Variants in RPAP1 observed in about 807,000 individuals in gnomAD.
RPAP1 encodes the protein RNA polymerase II associated protein 1.
RPAP1 carries 109 observed loss-of-function variants against 142.4 expected under a neutral mutation model. The ratio of observed to expected loss-of-function variants is 0.77; its 90% CI spans 0.66 to 0.90. The LOEUF is 0.90. Ranked by LOEUF, RPAP1 falls within the 40% of genes least tolerant of loss-of-function variation. The pLI is 0.00. For missense variants in RPAP1, 1,546 were observed against 1,751.7 expected, an observed-to-expected ratio of 0.88 and a Z score of 2.10; for synonymous variants, 704 against 738.9, an observed-to-expected ratio of 0.95 and a Z score of 0.77.
Position 41,521,071 on chromosome 15 carries a change from A to C in RPAP1, c.3115T>G (p.Cys1039Gly). ...LSLGSSRVPRCGQGTLLAQAC... is the reference protein window; with the variant it reads ...LSLGSSRVPRGGQGTLLAQAC... ...TGAGCCAGCAGAGTCCCTTGCCCACACCGAGGGACCCTGCTGCTTCCTAAC... is the reference window on the plus strand; with the variant it reads ...TGAGCCAGCAGAGTCCCTTGCCCACCCCGAGGGACCCTGCTGCTTCCTAAC... The change falls in exon 22 of 25, where the codon TGT (cysteine) becomes GGT (glycine). Residue 1039 changes from cysteine to glycine, a missense_variant. Physicochemically the swap from Cys to Gly is radical, Grantham distance 159. Around this residue, in one of 3 missense-constraint regions of RPAP1, gnomAD observed 1,333 missense variants for 1,486.6 expected, o/e 0.90. Coordinates refer to ENST00000304330, the MANE Select transcript of RPAP1 (RefSeq NM_015540.4). 3 of 1,547,002 alleles carry C rather than the reference A, an allele frequency of 1.9e-6. No individual in the cohort carries two copies. The highest frequency in any genetic ancestry group is 2.6e-6 in the Non-Finnish European group (3 of 1,148,284).
intron 1 of RPAP1, among the ~76,000 whole-genome samples, chr15:41,543,483 G>A (rs896003837): frequency 6.6e-6 from 1 of 152,092 alleles, no homozygotes; most frequent in African/African-American, 2.4e-5. Flanking sequence ...AAAGTGCTGG[G>A]ATTACAGGCG....
At chr15:41,518,791 C>A (rs942905391) in intron 22 of RPAP1, among the ~76,000 whole-genome samples, 19 of 152,032 alleles carry the variant, frequency 1.2e-4, no homozygotes, top group African/African-American at 3.4e-4. Context: ...TGCAGTGAAC[C>A]AAGATCATCA....
At chr15:41,534,010 T>C (rs375554116) in intron 6 of RPAP1, among the ~76,000 whole-genome samples, 38 of 151,186 alleles carry the variant, frequency 2.5e-4, no homozygotes, top group Non-Finnish European at 3.1e-4. Flanking sequence ...TAATCCCAGA[T>C]ACTCAGGAGG....
Position 41,521,795 on chromosome 15 carries a change from C to T in RPAP1, c.2981G>A (p.Ser994Asn), listed in dbSNP as rs1388749650. The change falls in exon 21 of 25, where the codon AGT becomes AAT. Residue 994 changes from serine to asparagine, a missense_variant. By Grantham distance (46) the Ser-to-Asn change is conservative. This residue lies in a region of RPAP1 where 1,333 missense variants were observed against 1,486.6 expected (regional missense o/e 0.90). Transcript: ENST00000304330. ...LALLSRLLPGSEYLTHELLLS... is the reference protein window; with the variant it reads ...LALLSRLLPGNEYLTHELLLS... Reference sequence around the variant, plus strand: ...CAGCAGCTCATGGGTGAGGTACTCACTTCCGGGCAGCAGCCGGCTCAGCAG... The same window carrying T: ...CAGCAGCTCATGGGTGAGGTACTCATTTCCGGGCAGCAGCCGGCTCAGCAG... 5 of 1,614,216 alleles carry T rather than the reference C, an allele frequency of 3.1e-6. No individual in the cohort carries two copies. The South Asian group carries it at 3.3e-5, about 11-fold the overall frequency.
In RPAP1 at chr15:41,520,983, G is replaced by C; in HGVS notation, c.3203C>G (p.Ala1068Gly). The change falls in exon 22 of 25, where the codon GCC (alanine) becomes GGC (glycine). Residue 1068 changes from alanine (A) to glycine (G), a missense_variant. Transcript: ENST00000304330. ...CAGAGCCTGGGAGGCCAGCAGACTG[G>C]CTCGGGCTGGCGAGCAATGAGTCAG... Reference protein sequence around the residue: ...CYLTHCSPARASLLASQALHR... With the variant: ...CYLTHCSPARGSLLASQALHR... The C allele has an allele frequency of 6.2e-7, 1 of 1,607,716 alleles. No homozygotes were observed. Among genetic ancestry groups the C allele is most frequent in the Non-Finnish European group, 8.5e-7 (1 of 1,176,814 alleles).
intron 15 of RPAP1, 24 bp from the exon 16 acceptor site, chr15:41,524,278 T>C: frequency 6.6e-7 from 1 of 1,507,814 alleles, no homozygotes; most frequent in Non-Finnish European, 8.9e-7. Flanking sequence ...GGGACTGATT[T>C]TCACTGTATG....
rs565863154 is a variant in RPAP1, at chr15:41,542,060, C to T, written c.-77+2159G>A. The stretch of plus-strand genomic sequence containing the variant: ...TTTTGAGAGTTTACTCTGGGCTGAG[C>T]GGTGTACAAGGGGCTGTAAATATAA... On this transcript the variant is annotated intron_variant, in intron 1 of 24. Transcript: ENST00000304330. Among the ~76,000 whole-genome samples the T allele has an allele frequency of 4.6e-5, 7 of 152,188 alleles. No individual in the cohort carries two copies. In the South Asian group the frequency reaches 6.2e-4, roughly 14 times the overall value.
Position 41,536,208 on chromosome 15 carries a change from G to A in RPAP1, c.341C>T (p.Thr114Ile). Residue 114 changes from threonine to isoleucine, a missense_variant, in exon 4 of 25, where the codon ACA (threonine) becomes ATA (isoleucine). Coordinates refer to ENST00000304330, the MANE Select transcript of RPAP1 (RefSeq NM_015540.4). ...AVLTKIIERDTSSVAVNLPVP... is the reference protein window; with the variant it reads ...AVLTKIIERDISSVAVNLPVP... ...AGGCAGATTCACGGCCACTGAACTT[G>A]TATCTCGTTCCTGTAGCAACAAAGC... 1 of 1,614,048 alleles carries A rather than the reference G, an allele frequency of 6.2e-7. No individual in the cohort carries two copies. Among genetic ancestry groups the A allele is most frequent in the Non-Finnish European group, 8.5e-7 (1 of 1,179,970 alleles).
chr15:41,532,201 T>C (rs1027072824), intron 6 of RPAP1, among the ~76,000 whole-genome samples: 7 of 152,036 alleles, frequency 4.6e-5, no homozygotes, highest in Non-Finnish European at 1.0e-4. Context: ...TTTGTATTTT[T>C]AGTAGAGACA....
intron 15 of RPAP1, among the ~76,000 whole-genome samples, chr15:41,524,606 G>A (rs1038111224): frequency 2.0e-4 from 31 of 151,868 alleles, no homozygotes; most frequent in Middle Eastern, 3.4e-3. Context: ...CTGCCGAGTA[G>A]TTGGGATTAC....
In RPAP1 at chr15:41,520,358, AC is replaced by A. The variant is rs200705558; in HGVS notation, c.3795+32del. The A allele has an allele frequency of 9.5e-4, 1,533 of 1,611,634 alleles. 12 individuals are homozygous for A. In the African/African-American group the frequency reaches 0.019, roughly 20 times the overall value. On this transcript the variant is annotated intron_variant, in intron 22 of 24. Transcript: ENST00000304330. The stretch of plus-strand genomic sequence containing the variant: ...CTGCCCCCGAGGCCCAGTGCAGGGT[AC>A]CCTTGCAGGTCCTGCTGGGCTGAGA...
At chr15:41,531,305 C>G (rs2051845129) in intron 6 of RPAP1, 103 bp from the exon 7 acceptor site, 2 of 1,186,144 alleles carry the variant, frequency 1.7e-6, no homozygotes, top group East Asian at 4.8e-5. Context: ...GTGCCAAGGA[C>G]AGGACAAGCT....
At chr15:41,534,583 CAAAAAAA>C (rs764568682) in intron 6 of RPAP1, 124 bp downstream of exon 6, 29 of 179,494 alleles carry the variant, frequency 1.6e-4, no homozygotes, top group Non-Finnish European at 1.7e-4. Context: ...AAGACCATCT[CAAAAAAA>C]AAAAAAAAAA....
chr15:41,532,225 T>C (rs754102887), intron 6 of RPAP1, among the ~76,000 whole-genome samples: 1 of 152,108 alleles, frequency 6.6e-6, no homozygotes, highest in Non-Finnish European at 1.5e-5. Context: ...TTTCACCGTG[T>C]TGGCCAGGAT....
intron 6 of RPAP1, among the ~76,000 whole-genome samples, chr15:41,534,326 G>A (rs2051885677): frequency 6.6e-6 from 1 of 151,716 alleles, no homozygotes; most frequent in South Asian, 2.1e-4. Context: ...ACTGAGGTAG[G>A]AGAATCTCTT....
chr15:41,523,333 A>G lies in RPAP1; in HGVS notation c.2458T>C (p.Trp820Arg), dbSNP rs2051750756. Reference protein sequence around the residue: ...SQQPSSCPEDWLQDMQRLSEE... With the variant: ...SQQPSSCPEDRLQDMQRLSEE... Reference sequence around the variant, plus strand: ...GACAGGCGCTGCATGTCCTGGAGCCAATCCTCCGGGCATGAGCTTGGCTGG... The same window carrying G: ...GACAGGCGCTGCATGTCCTGGAGCCGATCCTCCGGGCATGAGCTTGGCTGG... Residue 820 changes from tryptophan (W) to arginine (R), a missense_variant, in exon 18 of 25, where the codon TGG (tryptophan) becomes CGG (arginine). Trp to Arg is a moderately radical substitution (Grantham distance 101). Around this residue, in one of 3 missense-constraint regions of RPAP1, gnomAD observed 1,333 missense variants for 1,486.6 expected, o/e 0.90. Coordinates refer to ENST00000304330, the MANE Select transcript of RPAP1 (RefSeq NM_015540.4). 6.2e-7 allele frequency: 1 copy of G among 1,606,978 alleles called. No homozygotes were observed. Among genetic ancestry groups the G allele is most frequent in the African/African-American group, 1.3e-5 (1 of 74,560 alleles).
chr15:41,529,424 G>A (rs1315529273), intron 9 of RPAP1, 46 bp downstream of exon 9: 1 of 1,263,100 alleles, frequency 7.9e-7, no homozygotes, highest in Admixed American at 1.9e-5. Context: ...CTTTTCCATG[G>A]GGTTGTTAAA....
rs575790053 is a variant in RPAP1 at position 41,525,719 on chromosome 15, A to C, written c.1918-571T>G. Among the ~76,000 whole-genome samples, 132 of 151,826 alleles carry C rather than the reference A, an allele frequency of 8.7e-4. 1 individual carries two copies. The highest frequency in any genetic ancestry group is 1.1e-3 in the Non-Finnish European group (78 of 67,964). Reference sequence around the variant, plus strand: ...GCCCAGGCTGGAGTGCAGTGGCGCAATCTCGGCTCACTGCAATCTCTGCCC... The same window carrying C: ...GCCCAGGCTGGAGTGCAGTGGCGCACTCTCGGCTCACTGCAATCTCTGCCC... On this transcript the variant is annotated intron_variant, in intron 14 of 24. Transcript: ENST00000304330.
Position 41,521,136 on chromosome 15 carries a change from G to A in RPAP1, c.3050C>T (p.Ser1017Leu), listed in dbSNP as rs2051722839. The A allele has an allele frequency of 6.6e-7, 1 of 1,511,546 alleles. No individual in the cohort carries two copies. Among genetic ancestry groups the A allele is most frequent in the Admixed American group, 2.3e-5 (1 of 43,566 alleles). 93.6% of individuals were successfully genotyped at this position (1,511,546 alleles called of 1,614,324 possible). ...FRLEFLPERT[S>L]GGPEAADFSD... ...GAAGTCGGCTGCCTCTGGACCCCCT[G>A]ATGTTCTTTCCCTGTAATGGGACCC... Residue 1017 changes from serine to leucine, a missense_variant, in exon 22 of 25, where the codon TCA becomes TTA. Ser to Leu is a moderately radical substitution (Grantham distance 145). Transcript: ENST00000304330.
Sources: allele counts gnomAD v4.1 joint callset (sites outside exome capture counted in the v4.1 genomes callset), GRCh38; gene constraint gnomAD v4.1.1; regional missense constraint gnomAD v4.1.1; transcripts MANE v1.5; gene names NCBI Gene and HGNC (gene_info 2026-07-23, HGNC 2026-07-21).